Variants in ESPL1 observed in about 807,000 individuals in gnomAD.
ESPL1 encodes separin.
A neutral mutation model predicts 217.2 loss-of-function variants in ESPL1; 50 were observed. The observed-to-expected ratio is 0.23, with a 90% CI of 0.18 to 0.29. The LOEUF (loss-of-function observed/expected upper bound fraction) is 0.29, where lower values mean the gene tolerates loss of function less well. Ranked by LOEUF, ESPL1 falls within the 10% of genes least tolerant of loss-of-function variation. The probability of loss-of-function intolerance (pLI) is 1.00; values close to 1 mark genes in which losing one functional copy is unlikely to be tolerated. For synonymous variants in ESPL1, 994 were observed against 1,081.3 expected, an observed-to-expected ratio of 0.92 and a Z score of 1.58; for missense variants, 1,834 against 2,603.0, an observed-to-expected ratio of 0.70 and a Z score of 6.43.
intron 18 of ESPL1, among the ~76,000 whole-genome samples, 179 bp downstream of exon 18, chr12:53,287,091 GAGA>G (rs1225767065): frequency 2.0e-5 from 3 of 152,166 alleles, no homozygotes. Flanking sequence ...TTGTTTTTTT[GAGA>G]AGGAGTCTCG....
chr12:53,277,853 C>T lies in ESPL1; in HGVS notation c.2257C>T (p.Leu753=). 1 of 1,614,202 alleles carries T rather than the reference C, an allele frequency of 6.2e-7. No individual in the cohort carries two copies. The highest frequency in any genetic ancestry group is 8.5e-7 in the Non-Finnish European group (1 of 1,180,032). Residue 753 remains leucine, a synonymous_variant, in exon 11 of 31, where the codon CTG becomes TTG. Transcript: ENST00000257934. The stretch of plus-strand genomic sequence containing the variant: ...CAAATGCCTGGACCAAGCCCTGGCC[C>T]TGTGGAAGGAGCTGCTTACAAAGGG... ...QSKCLDQALA[L]WKELLTKGQA... is the part of the protein sequence containing the mutation.
Position 53,268,319 on chromosome 12 carries a change from C to A in ESPL1, c.-71C>A, listed in dbSNP as rs1487179433. ...ACGAAGGTTACATTTTGGATCCTCG[C>A]GGAGTACTGGTCAGGCGGTTAAGTC... is the stretch of plus-strand genomic sequence containing the variant. On this transcript the variant is annotated 5_prime_UTR_variant, in exon 1 of 31. Transcript: ENST00000257934. 1.3e-5 allele frequency: 2 copies of A among 154,340 alleles called. No homozygotes were observed. Among genetic ancestry groups the A allele is most frequent in the African/African-American group, 4.8e-5 (2 of 41,536 alleles). 9.6% of individuals were successfully genotyped at this position (154,340 alleles called of 1,614,324 possible). A position where few individuals can be genotyped will look rare whatever the true frequency, so the allele number is the denominator to read the frequency against.
chr12:53,270,311 G>C (rs1943646125), intron 3 of ESPL1, 67 bp from the exon 4 acceptor site: 2 of 1,203,366 alleles, frequency 1.7e-6, no homozygotes, highest in South Asian at 2.4e-5. Context: ...AGGACTCCGG[G>C]TCAGTCTTCA....
In ESPL1 at chr12:53,292,103, G is replaced by A. The variant is rs370032736; in HGVS notation, c.5796+15G>A. On this transcript the variant is annotated intron_variant, in intron 27 of 30. Coordinates refer to ENST00000257934, the MANE Select transcript of ESPL1 (RefSeq NM_012291.5). The surrounding 1 kb of genome is among the most constrained non-coding windows in gnomAD (Gnocchi z 4.5). Reference sequence around the variant, plus strand: ...TCATCAAAGAGGTGGGGTTCAGGGCGTAGTGTCTGGGGATGACTGGCGACT... The same window carrying A: ...TCATCAAAGAGGTGGGGTTCAGGGCATAGTGTCTGGGGATGACTGGCGACT... 2.2e-5 allele frequency: 35 copies of A among 1,596,484 alleles called. No homozygotes were observed. Among genetic ancestry groups the A allele is most frequent in the Admixed American group, 1.7e-4 (10 of 59,982 alleles).
In ESPL1 at chr12:53,293,207, A is replaced by G. The variant is rs543589429; in HGVS notation, c.6162-66A>G. 19 of 1,363,852 alleles carry G rather than the reference A, an allele frequency of 1.4e-5. No homozygotes were observed. The East Asian group carries it at 4.1e-4, about 30-fold the overall frequency. 84.5% of individuals were successfully genotyped at this position (1,363,852 alleles called of 1,614,324 possible). A position where few individuals can be genotyped will look rare whatever the true frequency, so the allele number is the denominator to read the frequency against. ...CTCCACTCACCCACCCCCACCACCA[A>G]TGGTGTTTTCCTATGTATTCTGTTT... On this transcript the variant is annotated intron_variant, in intron 30 of 30. Transcript: ENST00000257934. This position sits in a 1 kb window ranked among gnomAD's most constrained non-coding sequence, Gnocchi z 4.2.
chr12:53,282,542 C>G lies in ESPL1; in HGVS notation c.2791+107C>G, dbSNP rs983792953. The G allele has an allele frequency of 4.8e-6, 5 of 1,037,564 alleles. No individual in the cohort carries two copies. The African/African-American group carries it at 7.9e-5, about 16-fold the overall frequency. 64.3% of individuals were successfully genotyped at this position (1,037,564 alleles called of 1,614,324 possible). On this transcript the variant is annotated intron_variant, in intron 14 of 30. Transcript: ENST00000257934. The surrounding 1 kb of genome is among the most constrained non-coding windows in gnomAD (Gnocchi z 4.0). ...CTGCTGGCTAACTATGTGGCCCAGC[C>G]TACCTAGAACCTGCACAGAGTAGGC...
Position 53,284,186 on chromosome 12 carries a change from A to G in ESPL1, c.3187+19A>G, listed in dbSNP as rs373874843. 3.4e-6 allele frequency: 5 copies of G among 1,461,998 alleles called. No homozygotes were observed. Among genetic ancestry groups the G allele is most frequent in the South Asian group, 3.4e-5 (3 of 88,024 alleles). 90.6% of individuals were successfully genotyped at this position (1,461,998 alleles called of 1,614,324 possible). A position where few individuals can be genotyped will look rare whatever the true frequency, so the allele number is the denominator to read the frequency against. On this transcript the variant is annotated intron_variant, in intron 17 of 30. Coordinates refer to ENST00000257934, the MANE Select transcript of ESPL1 (RefSeq NM_012291.5). ...TGCACAGGTGAGCAGCCATGTCCCC[A>G]TGACCATAGGCGGTGCTGAAATGAC...
At position 53,270,680 on chromosome 12, in the gene ESPL1, A is replaced by G. The variant is rs1000603702; in HGVS notation, c.1251A>G (p.Ile417Met). 6.2e-7 allele frequency: 1 copy of G among 1,614,144 alleles called. No homozygotes were observed. Among genetic ancestry groups the G allele is most frequent in the Non-Finnish European group, 8.5e-7 (1 of 1,180,026 alleles). ...VVYDFAQGCQ[I>M]VDLADLTQLV... ...TCAAACCCTTCTTGTCCCTTCAGAT[A>G]GTTGATTTGGCTGACCTGACCCAAC... Residue 417 changes from isoleucine to methionine, a missense_variant and splice_region_variant, in exon 5 of 31, where the codon ATA (isoleucine) becomes ATG (methionine). Physicochemically the swap from Ile to Met is conservative, Grantham distance 10. Coordinates refer to ENST00000257934, the MANE Select transcript of ESPL1 (RefSeq NM_012291.5).
At position 53,288,578 on chromosome 12, in the gene ESPL1, AGAATGG is replaced by A. The variant is rs1481439665; in HGVS notation, c.4590_4595del (p.Trp1531_Glu1532del). 3.7e-6 allele frequency: 6 copies of A among 1,613,758 alleles called. No homozygotes were observed. The highest frequency in any genetic ancestry group is 4.2e-6 in the Non-Finnish European group (5 of 1,179,982). ...CTCCGGGCCCTGAGGCAGCTTCTGG[AGAATGG>A]GAGCTGCTGAGGCTGGATTCCAGCA... On this transcript the variant is annotated inframe_deletion, in exon 20 of 31. Transcript: ENST00000257934.
intron 1 of ESPL1, 31 bp from the exon 2 acceptor site, chr12:53,268,724 A>C: frequency 7.4e-7 from 1 of 1,356,016 alleles, no homozygotes; most frequent in Non-Finnish European, 1.0e-6. Context: ...CTTCATTAAC[A>C]ATCTTCTCTA....
At position 53,284,158 on chromosome 12, in the gene ESPL1, T is replaced by A. The variant is rs370401595; in HGVS notation, c.3178T>A (p.Ser1060Thr). 3 of 1,607,194 alleles carry A rather than the reference T, an allele frequency of 1.9e-6. No individual in the cohort carries two copies. The African/African-American group carries it at 4.0e-5, about 21-fold the overall frequency. ...GCAGCAGGTTCTGTTCTTGCTTGAG[T>A]CTTGCACAGGTGAGCAGCCATGTCC... ...DLQQVLFLLE[S>T]CTEFGGVTQH... The change falls in exon 17 of 31, where the codon TCT becomes ACT. Residue 1060 changes from serine (S) to threonine (T), a missense_variant. Coordinates refer to ENST00000257934, the MANE Select transcript of ESPL1 (RefSeq NM_012291.5).
Position 53,289,267 on chromosome 12 carries a change from G to A in ESPL1, c.4886G>A (p.Arg1629His). The A allele has an allele frequency of 1.9e-6, 3 of 1,611,716 alleles. No individual in the cohort carries two copies. Among genetic ancestry groups the A allele is most frequent in the Non-Finnish European group, 1.7e-6 (2 of 1,180,002 alleles). The change falls in exon 21 of 31, where the codon CGC becomes CAC. Residue 1629 changes from arginine (R) to histidine (H), a missense_variant. By Grantham distance (29) the Arg-to-His change is conservative (BLOSUM62 0). Transcript: ENST00000257934. ...LVTESVSITC[R>H]HQLLTHLHRQ... is the part of the protein sequence containing the mutation. ...ACCGAGTCTGTCTCCATCACCTGTC[G>A]CCACCAGCTGCTCACCCACCTCCAC...
At chr12:53,268,642 C>T (rs1031736457) in intron 1 of ESPL1, 113 bp from the exon 2 acceptor site, 3 of 646,014 alleles carry the variant, frequency 4.6e-6, no homozygotes, top group Admixed American at 5.6e-5. Context: ...GGGTTTTCTC[C>T]CCGATGAAAT....
chr12:53,288,478 A>T, intron 19 of ESPL1, 60 bp from the exon 20 acceptor site: 1 of 1,507,768 alleles, frequency 6.6e-7, no homozygotes, highest in Non-Finnish European at 8.9e-7. Context: ...TTACAGAAGG[A>T]AGAACAAAGA....
intron 1 of ESPL1, 45 bp downstream of exon 1, chr12:53,268,422 A>G: frequency 3.5e-6 from 1 of 284,344 alleles, no homozygotes; most frequent in Non-Finnish European, 6.7e-6. Flanking sequence ...TGCTGAAGTG[A>G]AGGGGATCCC....
In ESPL1 at chr12:53,292,626, C is replaced by A. The variant is rs200370234; in HGVS notation, c.5965C>A (p.Gln1989Lys). ...GGAGGTGCCAAGACCTGAACAGGTG[C>A]AGGAAGCCCTGACAAAGCATGATTT... ...VGEVPRPEQVQEALTKHDLYI... is the reference protein window; with the variant it reads ...VGEVPRPEQVKEALTKHDLYI... The change falls in exon 29 of 31, where the codon CAG becomes AAG. Residue 1989 changes from glutamine (Q) to lysine (K), a missense_variant. Transcript: ENST00000257934. This position sits in a 1 kb window ranked among gnomAD's most constrained non-coding sequence, Gnocchi z 4.5. 8 of 1,612,882 alleles carry A rather than the reference C, an allele frequency of 5.0e-6. No individual in the cohort carries two copies. In the Admixed American group the frequency reaches 1.2e-4, roughly 24 times the overall value.
chr12:53,278,085 C>A, intron 11 of ESPL1, 125 bp downstream of exon 11: 1 of 959,482 alleles, frequency 1.0e-6, no homozygotes, highest in South Asian at 1.6e-5. Flanking sequence ...AAGCGCAGGG[C>A]TGTATCACCA....
chr12:53,281,429 T>G, intron 12 of ESPL1, 78 bp from the exon 13 acceptor site: 1 of 1,486,268 alleles, frequency 6.7e-7, no homozygotes, highest in Non-Finnish European at 9.2e-7. Context: ...GTGAGCCACA[T>G]GGCCACCCTT....
chr12:53,268,415 T>C (rs6580941), intron 1 of ESPL1, 38 bp downstream of exon 1: 192,260 of 260,068 alleles, frequency 0.74, 73,038 homozygotes, highest in East Asian at 1. Flanking sequence ...GGGTACGTGC[T>C]GAAGTGAAGG....
Sources: gnomAD v4.1 joint callset for allele counts (sites outside exome capture counted in the v4.1 genomes callset) on GRCh38, gnomAD v4.1.1 for gene constraint, Gnocchi (gnomAD v3.1) non-coding constraint, MANE v1.5 for transcripts, NCBI Gene and HGNC (gene_info 2026-07-23, HGNC 2026-07-21) for gene names.